The following RANBP2 variants were observed in gnomAD, a reference collection of about 807,000 sequenced individuals.
RANBP2 encodes E3 SUMO-protein ligase RanBP2.
RANBP2 carries 57 observed loss-of-function variants against 303.6 expected under a neutral mutation model. That is an observed-to-expected ratio of 0.19 (90% confidence interval 0.15 to 0.23). The LOEUF is 0.23. Among genes scored for constraint, RANBP2 ranks in the 10% least tolerant of loss-of-function variants. The probability of loss-of-function intolerance (pLI) is 1.00; values close to 1 mark genes in which losing one functional copy is unlikely to be tolerated. For missense variants in RANBP2, 3,138 were observed against 3,780.8 expected (o/e 0.83, Z 4.46); for synonymous variants, 1,167 against 1,301.5 (o/e 0.90, Z 2.23).
the RANBP2 span, among the ~76,000 whole-genome samples, chr2:109,766,712 GA>G: frequency 2.1e-5 from 3 of 144,224 alleles, no homozygotes; most frequent in Non-Finnish European, 3.0e-5. Flanking sequence ...GGCAAATTAA[GA>G]AAAAAAACCT....
At chr2:108,820,868 A>G in the RANBP2 span, among the ~76,000 whole-genome samples, 1 of 152,172 alleles carries the variant, frequency 6.6e-6, no homozygotes, top group Non-Finnish European at 1.5e-5. Flanking sequence ...ATGAAAGCAC[A>G]CTACACAGCA....
chr2:109,172,709 CAT>C, the RANBP2 span, among the ~76,000 whole-genome samples: 11 of 152,318 alleles, frequency 7.2e-5, no homozygotes, highest in African/African-American at 2.6e-4. Context: ...AATGGGGACA[CAT>C]GTCTGCCCAT....
chr2:108,938,093 A>C, the RANBP2 span, among the ~76,000 whole-genome samples: 1 of 152,238 alleles, frequency 6.6e-6, no homozygotes, highest in Non-Finnish European at 1.5e-5. Context: ...AATTCTTCAG[A>C]ACTCTCTGTG....
chr2:109,023,179 A>T, the RANBP2 span, among the ~76,000 whole-genome samples: 1 of 152,254 alleles, frequency 6.6e-6, no homozygotes, highest in Non-Finnish European at 1.5e-5. Context: ...CCTAGTGATG[A>T]CTGAGCACTG....
the RANBP2 span, among the ~76,000 whole-genome samples, chr2:109,650,962 G>A: frequency 1.3e-5 from 2 of 152,162 alleles, no homozygotes; most frequent in African/African-American, 4.8e-5. Context: ...TTGAGGGACA[G>A]TCCCCAGTGG....
the RANBP2 span, among the ~76,000 whole-genome samples, chr2:109,051,351 C>A: frequency 2.6e-5 from 4 of 152,254 alleles, no homozygotes; most frequent in South Asian, 8.3e-4. Context: ...TGAAGTTTCA[C>A]CCCCTGCCCC....
chr2:109,723,361 G>A, the RANBP2 span, among the ~76,000 whole-genome samples: 4 of 152,106 alleles, frequency 2.6e-5, no homozygotes, highest in South Asian at 8.3e-4. Flanking sequence ...TGTTGGCCAG[G>A]CTGGTCTCAA....
chr2:108,973,091 C>A, the RANBP2 span, among the ~76,000 whole-genome samples: 151,372 of 152,238 alleles, frequency 0.99, 75,264 homozygotes, highest in Middle Eastern at 1. Context: ...GGTTCAAGCA[C>A]CTCTCATGCG....
At chr2:108,921,117 GC>G in the RANBP2 span, among the ~76,000 whole-genome samples, 1 of 152,198 alleles carries the variant, frequency 6.6e-6, no homozygotes, top group Non-Finnish European at 1.5e-5. Flanking sequence ...GAAACCCTCT[GC>G]TTCACAGAGG....
the RANBP2 span, among the ~76,000 whole-genome samples, chr2:109,015,674 C>G: frequency 6.6e-6 from 1 of 151,974 alleles, no homozygotes; most frequent in Non-Finnish European, 1.5e-5. Flanking sequence ...AGGAGAATCG[C>G]TTAAACTCAG....
At chr2:109,300,688 T>G in the RANBP2 span, among the ~76,000 whole-genome samples, 94 of 152,344 alleles carry the variant, frequency 6.2e-4, no homozygotes, top group African/African-American at 2.2e-3. Context: ...CACCTTCCTC[T>G]TCCTCCTTCA....
At chr2:108,856,265 A>G in the RANBP2 span, among the ~76,000 whole-genome samples, 1 of 149,594 alleles carries the variant, frequency 6.7e-6, no homozygotes, top group Non-Finnish European at 1.5e-5. Context: ...ATGTATCATG[A>G]AAACTGACAC....
At chr2:108,722,155 T>C (rs187523529) in intron 1 of RANBP2, among the ~76,000 whole-genome samples, 5 of 152,038 alleles carry the variant, frequency 3.3e-5, no homozygotes, top group Non-Finnish European at 7.4e-5. Flanking sequence ...AGACAGAAGT[T>C]AGAATGTTCT....
At chr2:108,897,330 A>AT in the RANBP2 span, 4 of 1,218,434 alleles carry the variant, frequency 3.3e-6, no homozygotes, top group Admixed American at 4.4e-5. Context: ...TTTGAAAAAA[A>AT]TTTTTTTAAA....
the RANBP2 span, among the ~76,000 whole-genome samples, chr2:109,083,889 T>G: frequency 3.9e-5 from 6 of 152,036 alleles, no homozygotes; most frequent in African/African-American, 1.4e-4. Flanking sequence ...CTGCATACTC[T>G]CCCCTCCTGT....
At chr2:109,226,455 C>T in the RANBP2 span, among the ~76,000 whole-genome samples, 2 of 152,164 alleles carry the variant, frequency 1.3e-5, no homozygotes, top group African/African-American at 4.8e-5. Context: ...CAGTCCTCAT[C>T]GTTAAGTAAG....
the RANBP2 span, among the ~76,000 whole-genome samples, chr2:109,673,327 CT>C: frequency 6.6e-6 from 1 of 152,206 alleles, no homozygotes; most frequent in African/African-American, 2.4e-5. Context: ...TGTTGCCAAT[CT>C]TTTTGCCCAC....
the RANBP2 span, among the ~76,000 whole-genome samples, chr2:109,608,880 A>C: frequency 6.6e-6 from 1 of 152,226 alleles, no homozygotes; most frequent in Non-Finnish European, 1.5e-5. Flanking sequence ...TTTGCGCATC[A>C]GGCATTTTAT....
the RANBP2 span, among the ~76,000 whole-genome samples, chr2:109,099,762 T>C: frequency 6.6e-6 from 1 of 152,200 alleles, no homozygotes; most frequent in Non-Finnish European, 1.5e-5. Flanking sequence ...TTGCATACTT[T>C]TTCTTTTCTT....
Sources: allele counts gnomAD v4.1 joint callset (sites outside exome capture counted in the v4.1 genomes callset), GRCh38; gene constraint gnomAD v4.1.1; transcripts MANE v1.5; gene names NCBI Gene and HGNC (gene_info 2026-07-23, HGNC 2026-07-21).